GPAA1: variants seen among roughly 807,000 people sequenced by gnomAD.
GPAA1 encodes GPI-anchor transamidase component GPAA1.
GPAA1 carries 54 observed loss-of-function variants against 64.0 expected under a neutral mutation model. The ratio of observed to expected loss-of-function variants is 0.84; its 90% confidence interval spans 0.68 to 1.06. GPAA1 has a LOEUF of 1.06. Ranked by LOEUF, GPAA1 falls within the 50% of genes least tolerant of loss-of-function variation. The pLI is 0.00. For missense variants in GPAA1, 780 were observed against 822.3 expected (o/e 0.95, Z 0.63); for synonymous variants, 393 against 377.3 (o/e 1.04, Z -0.48).
chr8:144,086,141 G>C lies in GPAA1; in HGVS notation c.*16G>C. On this transcript the variant is annotated 3_prime_UTR_variant, in exon 12 of 12. Coordinates refer to ENST00000355091, the MANE Select transcript of GPAA1 (RefSeq NM_003801.4). ...CTGGAAGTGAGATCTGCCTGTCCGG[G>C]CTGGGACAGAGACTCCCCAAGGACC... The C allele has an allele frequency of 6.2e-7, 1 of 1,606,300 alleles. No individual in the cohort carries two copies. Among genetic ancestry groups the C allele is most frequent in the Non-Finnish European group, 8.5e-7 (1 of 1,175,320 alleles).
At chr8:144,083,046 C>T in intron 1 of GPAA1, 78 bp from the exon 2 acceptor site, 3 of 1,343,386 alleles carry the variant, frequency 2.2e-6, no homozygotes, top group South Asian at 2.5e-5. Context: ...CGATCGACCC[C>T]GGGTGCGGAG....
chr8:144,084,258 C>A lies in GPAA1; in HGVS notation c.741C>A (p.Pro247=). Residue 247 remains proline (P), a synonymous_variant, in exon 6 of 12, where the codon CCC becomes CCA. Transcript: ENST00000355091. ...VAVEGLNGQL[P]NLDLLNLFQT... is the part of the protein sequence containing the mutation. ...TGGAGGGGCTTAACGGGCAGCTGCC[C>A]AACCTTGACCTGCTCAATCTCTTCC... 2 of 1,613,850 alleles carry A rather than the reference C, an allele frequency of 1.2e-6. No homozygotes were observed. The highest frequency in any genetic ancestry group is 1.7e-6 in the Non-Finnish European group (2 of 1,180,020).
Position 144,082,793 on chromosome 8 carries a change from C to T in GPAA1, c.63C>T (p.Asn21=), listed in dbSNP as rs1470956492. ...RALARLVLRL[N]APLCVLSYVA... is the part of the protein sequence containing the mutation. Reference sequence around the variant, plus strand: ...TCGCCCGCCTAGTGCTGCGCCTCAACGCGCCGTTGTGGTGAGGACAGGGCC... The same window carrying T: ...TCGCCCGCCTAGTGCTGCGCCTCAATGCGCCGTTGTGGTGAGGACAGGGCC... Residue 21 remains asparagine, a synonymous_variant, in exon 1 of 12, where the codon AAC becomes AAT. Coordinates refer to ENST00000355091, the MANE Select transcript of GPAA1 (RefSeq NM_003801.4). 9.6e-6 allele frequency: 14 copies of T among 1,465,194 alleles called. No homozygotes were observed. In the Admixed American group the frequency reaches 3.4e-4, roughly 36 times the overall value. The allele number at this position is 1,465,194 out of a possible 1,614,324, so 90.8% of individuals were successfully genotyped here. A position where few individuals can be genotyped will look rare whatever the true frequency, so the allele number is the denominator to read the frequency against.
intron 5 of GPAA1, 37 bp from the exon 6 acceptor site, chr8:144,084,097 A>G (rs1554763965): frequency 6.2e-7 from 1 of 1,610,202 alleles, no homozygotes. Flanking sequence ...TGTCCTCACC[A>G]CGTCCTCCAT....
In GPAA1 at chr8:144,085,369, G is replaced by T; in HGVS notation, c.1341G>T (p.Leu447=). ...TGGCCCTCTATGTCCTGCCAGTGCT[G>T]GGCCAACACGTTGCCACCCAGCACT... The part of the protein sequence containing the change: ...MGLALYVLPV[L]GQHVATQHFP... The change falls in exon 10 of 12, where the codon CTG becomes CTT. Residue 447 remains leucine, a synonymous_variant. Coordinates refer to ENST00000355091, the MANE Select transcript of GPAA1 (RefSeq NM_003801.4). 1 of 1,609,306 alleles carries T rather than the reference G, an allele frequency of 6.2e-7. No homozygotes were observed. Among genetic ancestry groups the T allele is most frequent in the East Asian group, 2.2e-5 (1 of 44,864 alleles).
rs201424010 is a variant in GPAA1, at chr8:144,083,448, C to G, written c.314C>G (p.Thr105Arg). The change falls in exon 3 of 12, where the codon ACG (threonine) becomes AGG (arginine). Residue 105 changes from threonine (T) to arginine (R), a missense_variant. Coordinates refer to ENST00000355091, the MANE Select transcript of GPAA1 (RefSeq NM_003801.4). ...CGGTCAGTAGGGCTGGAGGTCTACA[C>G]GCAGAGTTTCTCCCGGAAACTGCCC... ...TMRSVGLEVY[T>R]QSFSRKLPFP... 2 of 1,613,754 alleles carry G rather than the reference C, an allele frequency of 1.2e-6. No individual in the cohort carries two copies. The highest frequency in any genetic ancestry group is 8.5e-7 in the Non-Finnish European group (1 of 1,179,970).
In GPAA1 at chr8:144,085,484, G is replaced by A. The variant is rs376474105; in HGVS notation, c.1451+5G>A. On this transcript the variant is annotated splice_donor_5th_base_variant and intron_variant, in intron 10 of 11. Transcript: ENST00000355091. ...CCTGCCCCACAATACCCACCGGTAA[G>A]AGGCTGGGCTGGTTGTTGGGGGCAG... is the stretch of plus-strand genomic sequence containing the variant. The A allele has an allele frequency of 1.5e-5, 24 of 1,603,748 alleles. No individual in the cohort carries two copies. The highest frequency in any genetic ancestry group is 3.3e-4 in the Middle Eastern group (2 of 6,070).
Position 144,085,289 on chromosome 8 carries a change from G to C in GPAA1, c.1261G>C (p.Gly421Arg). The C allele has an allele frequency of 6.3e-7, 1 of 1,597,924 alleles. No individual in the cohort carries two copies. The highest frequency in any genetic ancestry group is 1.3e-5 in the African/African-American group (1 of 74,846). The stretch of plus-strand genomic sequence containing the variant: ...CTCCAAGAGCCTGTGTGCCCTGCAG[G>C]GTGTGGGGCTGGCCTCGCTCGTGGC... ...GPSVPLPPSQ[G>R]VGLASLVAPL... Residue 421 changes from glycine (G) to arginine (R), a missense_variant and splice_region_variant, in exon 10 of 12, where the codon GGT (glycine) becomes CGT (arginine). By Grantham distance (125) the Gly-to-Arg change is moderately radical. Coordinates refer to ENST00000355091, the MANE Select transcript of GPAA1 (RefSeq NM_003801.4).
At position 144,082,647 on chromosome 8, in the gene GPAA1, C is replaced by G. The variant is rs923377646; in HGVS notation, c.-84C>G. The G allele has an allele frequency of 4.9e-6, 5 of 1,013,592 alleles. No individual in the cohort carries two copies. The highest frequency in any genetic ancestry group is 3.3e-5 in the East Asian group (1 of 30,130). 62.8% of individuals were successfully genotyped at this position (1,013,592 alleles called of 1,614,324 possible). ...GGAAGTGCGGGCGAGCGCGGGTCCC[C>G]GGGTCTGACAGGAGCAGCCTGTGGG... On this transcript the variant is annotated 5_prime_UTR_variant, in exon 1 of 12. Coordinates refer to ENST00000355091, the MANE Select transcript of GPAA1 (RefSeq NM_003801.4).
At position 144,083,930 on chromosome 8, in the gene GPAA1, G is replaced by A; in HGVS notation, c.515-9G>A. 1 of 1,613,388 alleles carries A rather than the reference G, an allele frequency of 6.2e-7. No individual in the cohort carries two copies. Among genetic ancestry groups the A allele is most frequent in the Non-Finnish European group, 8.5e-7 (1 of 1,179,588 alleles). The stretch of plus-strand genomic sequence containing the variant: ...CCCAGACCCTGCTGATCCTGCTTCT[G>A]GCCTCCAGGGCAGATTTATTGGGCC... On this transcript the variant is annotated splice_polypyrimidine_tract_variant and intron_variant, in intron 4 of 11. Transcript: ENST00000355091.
chr8:144,084,740 C>G lies in GPAA1; in HGVS notation c.1029C>G (p.Phe343Leu). ...VAVGKALEGM[F>L]RKLNHLLERL... Reference sequence around the variant, plus strand: ...CTGACAGGGCTTTGGAGGGCATGTTCCGCAAGCTCAACCACCTCCTGGAGC... The same window carrying G: ...CTGACAGGGCTTTGGAGGGCATGTTGCGCAAGCTCAACCACCTCCTGGAGC... The change falls in exon 8 of 12, where the codon TTC becomes TTG. Residue 343 changes from phenylalanine to leucine, a missense_variant. Coordinates refer to ENST00000355091, the MANE Select transcript of GPAA1 (RefSeq NM_003801.4). 6.2e-7 allele frequency: 1 copy of G among 1,613,900 alleles called. No homozygotes were observed. The highest frequency in any genetic ancestry group is 1.7e-5 in the Admixed American group (1 of 60,020).
In GPAA1 at chr8:144,084,454, G is replaced by C; in HGVS notation, c.855G>C (p.Gln285His). Residue 285 changes from glutamine (Q) to histidine (H), a missense_variant, in exon 7 of 12, where the codon CAG (glutamine) becomes CAC (histidine). Gln to His is a conservative substitution (Grantham distance 24, BLOSUM62 0). Transcript: ENST00000355091. The stretch of plus-strand genomic sequence containing the variant: ...GGACATCATTGGATGGACCGCTGCA[G>C]GGCCTGCAGACACTGCTGCTCATGG... ...EDWTSLDGPLQGLQTLLLMVL... is the reference protein window; with the variant it reads ...EDWTSLDGPLHGLQTLLLMVL... 1 of 1,613,122 alleles carries C rather than the reference G, an allele frequency of 6.2e-7. No homozygotes were observed.
In GPAA1 at chr8:144,084,049, T is replaced by C; in HGVS notation, c.616+9T>C. ...CGATGTCAATGTCACTGGTAGGTTC[T>C]CTTGTCCTGCCTGCCCTGGTCCCCC... On this transcript the variant is annotated intron_variant, in intron 5 of 11. Transcript: ENST00000355091. 1 of 1,610,096 alleles carries C rather than the reference T, an allele frequency of 6.2e-7. No homozygotes were observed. The highest frequency in any genetic ancestry group is 8.5e-7 in the Non-Finnish European group (1 of 1,176,416).
rs782580004 is a variant in GPAA1 at position 144,083,423 on chromosome 8, C to T, written c.289C>T (p.Arg97Trp). The change falls in exon 3 of 12, where the codon CGG becomes TGG. Residue 97 changes from arginine to tryptophan, a missense_variant. Coordinates refer to ENST00000355091, the MANE Select transcript of GPAA1 (RefSeq NM_003801.4). ...LPVAWLERTM[R>W]SVGLEVYTQS... The stretch of plus-strand genomic sequence containing the variant: ...AGTGGCCTGGCTTGAACGGACGATG[C>T]GGTCAGTAGGGCTGGAGGTCTACAC... 1 of 1,613,530 alleles carries T rather than the reference C, an allele frequency of 6.2e-7. No homozygotes were observed. Among genetic ancestry groups the T allele is most frequent in the South Asian group, 1.1e-5 (1 of 91,090 alleles).
rs73379191 is a variant in GPAA1, at chr8:144,084,845, C to T, written c.1134C>T (p.Val378=). 1,211 of 1,613,612 alleles carry T rather than the reference C, an allele frequency of 7.5e-4. 4 individuals carry two copies. In the African/African-American group the frequency reaches 0.014, roughly 18 times the overall value. The change falls in exon 8 of 12, where the codon GTC becomes GTT. Residue 378 remains valine, a synonymous_variant. Transcript: ENST00000355091. ...CCATCGGCCTCTACATGCCCGCTGT[C>T]GGCTTCTTGCTCCTGGTCCTTGGTC... ...FVSIGLYMPA[V]GFLLLVLGLK...
In GPAA1 at chr8:144,085,107, CT is replaced by C. The variant is rs1564305220; in HGVS notation, c.1230del (p.Gly411AlafsTer22). 2 of 1,605,970 alleles carry C rather than the reference CT, an allele frequency of 1.2e-6. No individual in the cohort carries two copies. Among genetic ancestry groups the C allele is most frequent in the Non-Finnish European group, 1.7e-6 (2 of 1,175,306 alleles). On this transcript the variant is annotated frameshift_variant, in exon 9 of 12. Transcript: ENST00000355091. LOFTEE classifies it high-confidence loss of function. ...GMGLEEPGGAPGPSVPLPPSQ... is the reference protein window; with the variant it reads ...GMGLEEPGGAXGPSVPLPPSQ... The stretch of plus-strand genomic sequence containing the variant: ...GGCCTTGAGGAGCCCGGGGGTGCCC[CT>C]GGCCCCAGTGTACCCCTTCCCCCAT...
chr8:144,085,947 T>C lies in GPAA1; in HGVS notation c.1688T>C (p.Leu563Pro), dbSNP rs782243947. The C allele has an allele frequency of 4.4e-6, 7 of 1,607,438 alleles. No homozygotes were observed. The Admixed American group carries it at 1.0e-4, about 23-fold the overall frequency. ...GCCACGCTCCTTGGCAGCCTGTTCCTGTGGCGGGAGCTGCAGGAGGCGCCA... is the reference window on the plus strand; with the variant it reads ...GCCACGCTCCTTGGCAGCCTGTTCCCGTGGCGGGAGCTGCAGGAGGCGCCA... ...PAATLLGSLF[L>P]WRELQEAPLS... The change falls in exon 12 of 12, where the codon CTG becomes CCG. Residue 563 changes from leucine (L) to proline (P), a missense_variant. Transcript: ENST00000355091.
rs377180762 is a variant in GPAA1, at chr8:144,085,739, C to T, written c.1618C>T (p.Pro540Ser). The change falls in exon 11 of 12, where the codon CCC (proline) becomes TCC (serine). Residue 540 changes from proline to serine, a missense_variant. Pro to Ser is a moderately conservative substitution (Grantham distance 74, BLOSUM62 -1). Coordinates refer to ENST00000355091, the MANE Select transcript of GPAA1 (RefSeq NM_003801.4). ...PTAALAKPHG[P>S]RTLYAALLVL... ...TGCTGCGCTTGCCAAGCCTCATGGGCCCCGGTATGTATGGATCAGCCCCAC... is the reference window on the plus strand; with the variant it reads ...TGCTGCGCTTGCCAAGCCTCATGGGTCCCGGTATGTATGGATCAGCCCCAC... 3.1e-6 allele frequency: 5 copies of T among 1,612,086 alleles called. No homozygotes were observed. In the South Asian group the frequency reaches 3.3e-5, roughly 11 times the overall value.
Position 144,085,398 on chromosome 8 carries a change from C to A in GPAA1, c.1370C>A (p.Pro457Gln). 4.4e-6 allele frequency: 7 copies of A among 1,607,288 alleles called. No individual in the cohort carries two copies. Among genetic ancestry groups the A allele is most frequent in the Non-Finnish European group, 5.9e-6 (7 of 1,179,880 alleles). ...CAACACGTTGCCACCCAGCACTTCC[C>A]AGTGGCAGAGGCTGAGGCTGTGGTG... The part of the protein sequence containing the change: ...LGQHVATQHF[P>Q]VAEAEAVVLT... The change falls in exon 10 of 12, where the codon CCA becomes CAA. Residue 457 changes from proline (P) to glutamine (Q), a missense_variant. Pro to Gln is a moderately conservative substitution (Grantham distance 76, BLOSUM62 -1). Coordinates refer to ENST00000355091, the MANE Select transcript of GPAA1 (RefSeq NM_003801.4).
Sources: allele counts gnomAD v4.1 joint callset, GRCh38; gene constraint gnomAD v4.1.1; transcripts MANE v1.5; gene names NCBI Gene and HGNC (gene_info 2026-07-23, HGNC 2026-07-21).